The following CTXN2 variants were observed in gnomAD, a reference collection of about 807,000 sequenced individuals.
The protein encoded by CTXN2 is cortexin-2.
A neutral mutation model predicts 5.7 loss-of-function variants in CTXN2; 3 were observed. The ratio of observed to expected loss-of-function variants is 0.53; its 90% CI spans 0.24 to 1.36. CTXN2 has a LOEUF of 1.36. CTXN2 is among the 40% of genes most tolerant of loss of function. The pLI, the probability that CTXN2 is intolerant of heterozygous loss-of-function variation, is 0.17. For synonymous variants in CTXN2, 38 were observed against 36.4 expected (o/e 1.04, Z -0.16); for missense variants, 87 against 93.0 (o/e 0.94, Z 0.26).
At chr15:48,195,773 T>C (rs1338293417) in intron 1 of CTXN2, among the ~76,000 whole-genome samples, 1 of 152,146 alleles carries the variant, frequency 6.6e-6, no homozygotes, top group Non-Finnish European at 1.5e-5. Context: ...GAAGATAGTA[T>C]CAACACTATG....
chr15:48,198,313 A>C (rs371691653), intron 1 of CTXN2, among the ~76,000 whole-genome samples: 26 of 152,010 alleles, frequency 1.7e-4, no homozygotes, highest in East Asian at 1.3e-3. Flanking sequence ...TGCTTTTTGG[A>C]TATCTAAAAA....
chr15:48,187,558 A>G (rs998196749), upstream of CTXN2, among the ~76,000 whole-genome samples: 2 of 152,204 alleles, frequency 1.3e-5, no homozygotes, highest in Non-Finnish European at 2.9e-5. Context: ...CATAGGTTGA[A>G]GAGGTAAAGG....
At chr15:48,199,741 G>T (rs763322549) in intron 1 of CTXN2, among the ~76,000 whole-genome samples, 1 of 152,076 alleles carries the variant, frequency 6.6e-6, no homozygotes, top group African/African-American at 2.4e-5. Flanking sequence ...CAATCTTCAG[G>T]AAGATCATTC....
chr15:48,180,667 A>G (rs2040694439), intron 1 of CTXN2, among the ~76,000 whole-genome samples: 1 of 152,192 alleles, frequency 6.6e-6, no homozygotes, highest in African/African-American at 2.4e-5. Context: ...GCCCGCCAGC[A>G]GGCCCGGCTA....
Position 48,200,153 on chromosome 15 carries a change from C to A in CTXN2, c.-57-1091C>A, listed in dbSNP as rs565748421. Among the ~76,000 whole-genome samples, 66 of 152,078 alleles carry A rather than the reference C, an allele frequency of 4.3e-4. 1 individual carries two copies. The South Asian group carries it at 0.013, about 30-fold the overall frequency. On this transcript the variant is annotated intron_variant, in intron 1 of 1. Coordinates refer to ENST00000417307, the MANE Select transcript of CTXN2 (RefSeq NM_001145668.2). ...ATCTCAAGGGTCAGTAATTTTAATA[C>A]ATATAAGTCTTAAAAATTATCAGAA...
upstream of CTXN2, chr15:48,191,073 A>T (rs1237672178): frequency 6.6e-6 from 1 of 152,372 alleles, no homozygotes; most frequent in Non-Finnish European, 1.5e-5. Flanking sequence ...TAGAAACGGA[A>T]GGGGATTCAG....
chr15:48,198,009 A>G (rs2040895337), intron 1 of CTXN2, among the ~76,000 whole-genome samples: 1 of 152,160 alleles, frequency 6.6e-6, no homozygotes, highest in African/African-American at 2.4e-5. Flanking sequence ...ACTACAGTTG[A>G]ATACAAAATT....
intron 1 of CTXN2, among the ~76,000 whole-genome samples, chr15:48,186,597 G>A (rs2040758063): frequency 6.6e-6 from 1 of 152,052 alleles, no homozygotes; most frequent in Non-Finnish European, 1.5e-5. Context: ...CTAATGGGGT[G>A]GCTTTAAAAT....
chr15:48,201,054 T>C (rs1318134250), intron 1 of CTXN2, among the ~76,000 whole-genome samples, 190 bp from the exon 2 acceptor site: 1 of 152,212 alleles, frequency 6.6e-6, no homozygotes, highest in African/African-American at 2.4e-5. Context: ...GCAAAGGAAA[T>C]TCTTTAATTA....
At chr15:48,187,165 C>T (rs1198801089), upstream of CTXN2, among the ~76,000 whole-genome samples, 7 of 151,322 alleles carry the variant, frequency 4.6e-5, no homozygotes, top group African/African-American at 1.7e-4. Context: ...ATTCCTCCCC[C>T]CGAAACAATG....
intron 1 of CTXN2, among the ~76,000 whole-genome samples, chr15:48,195,080 A>C (rs764740430): frequency 6.6e-6 from 1 of 152,194 alleles, no homozygotes; most frequent in African/African-American, 2.4e-5. Context: ...ACTAAGTGCC[A>C]CACATGAGTA....
upstream of CTXN2, chr15:48,189,131 G>A (rs1053308741): frequency 1.3e-5 from 2 of 151,992 alleles, no homozygotes; most frequent in African/African-American, 2.4e-5. Flanking sequence ...AAAGGGTCAG[G>A]GTCATGCACC....
Position 48,203,279 on chromosome 15 carries a change from G to T in CTXN2, c.*1733G>T, listed in dbSNP as rs575770717. Reference sequence around the variant, plus strand: ...AGCTGTCTCTGTGAGATTCCTTGATGCTTTCCATCTCATAATAGATTTAGA... The same window carrying T: ...AGCTGTCTCTGTGAGATTCCTTGATTCTTTCCATCTCATAATAGATTTAGA... On this transcript the variant is annotated 3_prime_UTR_variant, in exon 2 of 2. Coordinates refer to ENST00000417307, the MANE Select transcript of CTXN2 (RefSeq NM_001145668.2). 6.0e-6 allele frequency: 1 copy of T among 167,160 alleles called. No individual in the cohort carries two copies. The highest frequency in any genetic ancestry group is 2.4e-5 in the African/African-American group (1 of 41,552). 10.4% of individuals were successfully genotyped at this position (167,160 alleles called of 1,614,324 possible).
rs2040936694 is a variant in CTXN2 at position 48,202,462 on chromosome 15, T to C, written c.*916T>C. 1 of 166,980 alleles carries C rather than the reference T, an allele frequency of 6.0e-6. No homozygotes were observed. The highest frequency in any genetic ancestry group is 1.5e-5 in the Non-Finnish European group (1 of 68,108). The allele number at this position is 166,980 out of a possible 1,614,324, so 10.3% of individuals were successfully genotyped here. A position where few individuals can be genotyped will look rare whatever the true frequency, so the allele number is the denominator to read the frequency against. On this transcript the variant is annotated 3_prime_UTR_variant, in exon 2 of 2. Transcript: ENST00000417307. ...TGAGGATTTAAGATATCATGAAAAG[T>C]TTTTCAGATTAGGAGCCTAAACTCA...
chr15:48,190,676 A>G (rs1034741277), upstream of CTXN2, among the ~76,000 whole-genome samples: 2 of 152,158 alleles, frequency 1.3e-5, no homozygotes, highest in Non-Finnish European at 2.9e-5. Flanking sequence ...TCCAGTAGTT[A>G]TAAGGTGAAT....
intron 1 of CTXN2, among the ~76,000 whole-genome samples, chr15:48,198,412 T>C (rs945716552): frequency 3.9e-5 from 6 of 152,160 alleles, no homozygotes; most frequent in African/African-American, 1.2e-4. Flanking sequence ...AATTAAAATA[T>C]GTATTGAATA....
chr15:48,197,228 T>C (rs944694521), intron 1 of CTXN2, among the ~76,000 whole-genome samples: 4 of 152,030 alleles, frequency 2.6e-5, no homozygotes, highest in African/African-American at 7.2e-5. Flanking sequence ...TTCCACAAAT[T>C]TCAAATCTAT....
chr15:48,199,356 A>G (rs1205426186), intron 1 of CTXN2, among the ~76,000 whole-genome samples: 1 of 152,148 alleles, frequency 6.6e-6, no homozygotes, highest in East Asian at 1.9e-4. Flanking sequence ...ACTGAAGGAA[A>G]TCTATTGGGA....
chr15:48,203,192 C>T lies in CTXN2; in HGVS notation c.*1646C>T, dbSNP rs1476005131. 1 of 167,042 alleles carries T rather than the reference C, an allele frequency of 6.0e-6. No homozygotes were observed. The highest frequency in any genetic ancestry group is 6.5e-5 in the Admixed American group (1 of 15,274). 10.3% of individuals were successfully genotyped at this position (167,042 alleles called of 1,614,324 possible). A position where few individuals can be genotyped will look rare whatever the true frequency, so the allele number is the denominator to read the frequency against. On this transcript the variant is annotated 3_prime_UTR_variant, in exon 2 of 2. Coordinates refer to ENST00000417307, the MANE Select transcript of CTXN2 (RefSeq NM_001145668.2). ...TTCTGCTGTATCCCTAGACACTGTC[C>T]TCAACACTTCTACATAGCTTATAGG...
Sources: allele counts gnomAD v4.1 joint callset (sites outside exome capture counted in the v4.1 genomes callset), GRCh38; gene constraint gnomAD v4.1.1; transcripts MANE v1.5; gene names NCBI Gene and HGNC (gene_info 2026-07-23, HGNC 2026-07-21).